The following UFL1 variants were observed in gnomAD, a reference collection of about 807,000 sequenced individuals.
The protein encoded by UFL1 is E3 UFM1-protein ligase 1.
Under a neutral mutation model 99.3 loss-of-function variants are expected in UFL1, and 78 were observed. The observed-to-expected ratio is 0.79, with a 90% confidence interval of 0.65 to 0.95. The LOEUF (loss-of-function observed/expected upper bound fraction) is 0.95. Among genes scored for constraint, UFL1 ranks in the 40% least tolerant of loss-of-function variants. The pLI, the probability that UFL1 is intolerant of heterozygous loss-of-function variation, is 0.00. For missense variants in UFL1, 936 were observed against 937.0 expected, an observed-to-expected ratio of 1.00 and a Z score of 0.01; for synonymous variants, 335 against 322.2, an observed-to-expected ratio of 1.04 and a Z score of -0.42.
At chr6:96,524,578 A>G (rs1034730308) in intron 3 of UFL1, among the ~76,000 whole-genome samples, 168 bp downstream of exon 3, 8 of 152,220 alleles carry the variant, frequency 5.3e-5, no homozygotes, top group African/African-American at 1.9e-4. Context: ...GTTCTGATAC[A>G]TTAAAATGAT....
chr6:96,540,535 G>T lies in UFL1; in HGVS notation c.1159G>T (p.Glu387Ter). The T allele has an allele frequency of 6.3e-7, 1 of 1,590,630 alleles. No individual in the cohort carries two copies. Among genetic ancestry groups the T allele is most frequent in the South Asian group, 1.2e-5 (1 of 86,160 alleles). The stretch of plus-strand genomic sequence containing the variant: ...CCAAAAAAAGCATGTTTTATTTTAG[G>T]AAATGAAAAATAATCCTGTGCATTT... ...RELMHQKAEK[E>*]MKNNPVHLIT... Residue 387 changes from glutamate (E) to a stop codon, truncating the protein, a stop_gained and splice_region_variant, in exon 11 of 19, where the codon GAA (glutamate) becomes TAA (stop). Transcript: ENST00000369278. LOFTEE classifies it high-confidence loss of function.
chr6:96,525,471 C>A, intron 4 of UFL1, 77 bp downstream of exon 4: 1 of 1,009,524 alleles, frequency 9.9e-7, no homozygotes, highest in South Asian at 1.4e-5. Flanking sequence ...AAATTTAGGC[C>A]AATTATGGCC....
intron 10 of UFL1, 111 bp from the exon 11 acceptor site, chr6:96,540,424 A>T: frequency 7.5e-7 from 1 of 1,331,682 alleles, no homozygotes; most frequent in Non-Finnish European, 1.0e-6. Flanking sequence ...AAAGCTCTAT[A>T]GTTCTAAGCA....
At position 96,552,426 on chromosome 6, in the gene UFL1, T is replaced by C. The variant is rs1242404982; in HGVS notation, c.1986-56T>C. On this transcript the variant is annotated intron_variant, in intron 17 of 18. Coordinates refer to ENST00000369278, the MANE Select transcript of UFL1 (RefSeq NM_015323.5). ...TTAACAGAAAGGGATGAATTGAAAT[T>C]GGTGAGAACTTCTTAAATTATGATA... The C allele has an allele frequency of 7.5e-6, 11 of 1,470,246 alleles. No individual in the cohort carries two copies. The South Asian group carries it at 1.4e-4, about 19-fold the overall frequency. 91.1% of individuals were successfully genotyped at this position (1,470,246 alleles called of 1,614,324 possible).
chr6:96,548,076 AC>A, intron 12 of UFL1, 87 bp from the exon 13 acceptor site: 1 of 803,442 alleles, frequency 1.2e-6, no homozygotes, highest in Non-Finnish European at 2.0e-6. Flanking sequence ...TTATTGTCTT[AC>A]TAAATATAGT....
At chr6:96,541,770 GT>G (rs1171611692) in intron 11 of UFL1, among the ~76,000 whole-genome samples, 18 of 151,170 alleles carry the variant, frequency 1.2e-4, no homozygotes, top group African/African-American at 4.8e-5. Context: ...GTCATTTGGT[GT>G]TTTATTTTCA....
Position 96,551,514 on chromosome 6 carries a change from G to T in UFL1, c.1899+1G>T, listed in dbSNP as rs367945717. 2.0e-6 allele frequency: 3 copies of T among 1,510,208 alleles called. No individual in the cohort carries two copies. Among genetic ancestry groups the T allele is most frequent in the African/African-American group, 2.9e-5 (2 of 69,162 alleles). 93.6% of individuals were successfully genotyped at this position (1,510,208 alleles called of 1,614,324 possible). The stretch of plus-strand genomic sequence containing the variant: ...ACTCCATAACTCTCTGAATGAAAAG[G>T]TAAGTAAAGTTTTATTCTATTTACA... On this transcript the variant is annotated splice_donor_variant, in intron 16 of 18. Coordinates refer to ENST00000369278, the MANE Select transcript of UFL1 (RefSeq NM_015323.5). LOFTEE classifies it high-confidence loss of function.
intron 7 of UFL1, among the ~76,000 whole-genome samples, chr6:96,534,681 A>G (rs1399955976): frequency 6.6e-6 from 1 of 151,958 alleles, no homozygotes; most frequent in Non-Finnish European, 1.5e-5. Context: ...ATGAAAGTAA[A>G]TTGTGTTTCA....
At position 96,521,823 on chromosome 6, in the gene UFL1, G is replaced by A. The variant is rs1170285188; in HGVS notation, c.-51G>A. On this transcript the variant is annotated 5_prime_UTR_variant, in exon 1 of 19. Transcript: ENST00000369278. Reference sequence around the variant, plus strand: ...TTCCGCCTCTCTTCTCCCACCGCCTGTCGGCTGACGTGTCTGCAGTTCCTC... The same window carrying A: ...TTCCGCCTCTCTTCTCCCACCGCCTATCGGCTGACGTGTCTGCAGTTCCTC... 4.5e-6 allele frequency: 7 copies of A among 1,572,688 alleles called. No individual in the cohort carries two copies. Among genetic ancestry groups the A allele is most frequent in the Non-Finnish European group, 6.0e-6 (7 of 1,159,070 alleles).
At chr6:96,529,908 T>C (rs929962374) in intron 6 of UFL1, among the ~76,000 whole-genome samples, 6 of 152,184 alleles carry the variant, frequency 3.9e-5, no homozygotes, top group Non-Finnish European at 7.4e-5. Flanking sequence ...TCTGAACAAT[T>C]TGAGAGGAGG....
At chr6:96,527,542 T>A (rs1004044819) in intron 5 of UFL1, among the ~76,000 whole-genome samples, 4 of 152,164 alleles carry the variant, frequency 2.6e-5, no homozygotes, top group Admixed American at 2.6e-4. Flanking sequence ...GAAAATGAGC[T>A]TCCCTAATTC....
At chr6:96,530,327 G>C (rs1405693768) in intron 6 of UFL1, among the ~76,000 whole-genome samples, 1 of 152,064 alleles carries the variant, frequency 6.6e-6, no homozygotes, top group Non-Finnish European at 1.5e-5. Flanking sequence ...TCATATTCAG[G>C]TTATGTGTCT....
chr6:96,533,921 T>G (rs375757078), intron 6 of UFL1, among the ~76,000 whole-genome samples: 2 of 151,718 alleles, frequency 1.3e-5, no homozygotes, highest in African/African-American at 4.8e-5. Flanking sequence ...TGGAATCATA[T>G]GACATCCACT....
chr6:96,543,115 G>T, intron 12 of UFL1, 99 bp downstream of exon 12: 1 of 1,399,916 alleles, frequency 7.1e-7, no homozygotes, highest in Non-Finnish European at 9.5e-7. Flanking sequence ...AATACAGGAA[G>T]TCCTTATTTT....
chr6:96,542,296 AT>A (rs1191996814), intron 11 of UFL1, among the ~76,000 whole-genome samples: 1 of 151,316 alleles, frequency 6.6e-6, no homozygotes, highest in Non-Finnish European at 1.5e-5. Context: ...CATGGTCAAC[AT>A]TTATGAAGCA....
In UFL1 at chr6:96,540,540, G is replaced by A; in HGVS notation, c.1164G>A (p.Met388Ile). 1.3e-6 allele frequency: 2 copies of A among 1,595,912 alleles called. No homozygotes were observed. The highest frequency in any genetic ancestry group is 1.7e-6 in the Non-Finnish European group (2 of 1,173,460). Residue 388 changes from methionine to isoleucine, a missense_variant, in exon 11 of 19, where the codon ATG becomes ATA. By Grantham distance (10) the Met-to-Ile change is conservative. Transcript: ENST00000369278. ...ELMHQKAEKEMKNNPVHLITE... is the reference protein window; with the variant it reads ...ELMHQKAEKEIKNNPVHLITE... Reference sequence around the variant, plus strand: ...AAAAGCATGTTTTATTTTAGGAAATGAAAAATAATCCTGTGCATTTAATCA... The same window carrying A: ...AAAAGCATGTTTTATTTTAGGAAATAAAAAATAATCCTGTGCATTTAATCA...
At chr6:96,522,988 AACTTATTGAATCAGT>A in intron 1 of UFL1, 143 bp from the exon 2 acceptor site, 1 of 554,414 alleles carries the variant, frequency 1.8e-6, no homozygotes, top group Non-Finnish European at 2.9e-6. Flanking sequence ...GTTTTTTTTT[AACTTATTGAATCAGT>A]TAGTGAAAAA....
At chr6:96,544,567 T>C (rs1769975330) in intron 12 of UFL1, among the ~76,000 whole-genome samples, 1 of 151,042 alleles carries the variant, frequency 6.6e-6, no homozygotes, top group Admixed American at 6.6e-5. Context: ...TGTTTAAGAT[T>C]TGTCTTTAAA....
intron 11 of UFL1, among the ~76,000 whole-genome samples, chr6:96,542,441 T>G (rs1241456682): frequency 6.6e-6 from 1 of 151,348 alleles, no homozygotes; most frequent in Non-Finnish European, 1.5e-5. Context: ...GTAATAATCT[T>G]TCAACAAAGA....
Sources: allele counts gnomAD v4.1 joint callset (sites outside exome capture counted in the v4.1 genomes callset), GRCh38; gene constraint gnomAD v4.1.1; transcripts MANE v1.5; gene names NCBI Gene and HGNC (gene_info 2026-07-23, HGNC 2026-07-21).